ZNF487: variants seen among roughly 807,000 people sequenced by gnomAD.
ZNF487 encodes the protein zinc finger protein 487.
A neutral mutation model predicts 3.0 loss-of-function variants in ZNF487; 4 were observed. The observed-to-expected ratio is 1.35, with a 90% CI of 0.66 to 3.08. ZNF487 has a LOEUF of 3.08. Ranked by LOEUF, ZNF487 falls within the 30% of genes most tolerant of loss-of-function variation. ZNF487 has a pLI of 0.01. For synonymous variants in ZNF487, 55 were observed against 34.6 expected (o/e 1.59, Z -2.06); for missense variants, 146 against 98.7 (o/e 1.48, Z -2.03).
At chr10:43,460,660 C>T (rs995813940) in intron 1 of ZNF487, among the ~76,000 whole-genome samples, 1 of 151,560 alleles carries the variant, frequency 6.6e-6, no homozygotes, top group East Asian at 1.9e-4. Flanking sequence ...CAGGTATGAG[C>T]CACCATGCCT....
chr10:43,473,891 G>A (rs530159463), intron 1 of ZNF487, among the ~76,000 whole-genome samples: 1 of 152,230 alleles, frequency 6.6e-6, no homozygotes, highest in South Asian at 2.1e-4. Flanking sequence ...CCGATGCAGT[G>A]ACTTATTCCT....
At chr10:43,467,692 C>CCAGCTATGCTGGG (rs1840757539) in intron 1 of ZNF487, among the ~76,000 whole-genome samples, 2 of 151,482 alleles carry the variant, frequency 1.3e-5, no homozygotes, top group South Asian at 4.2e-4. Context: ...TGGTGCATAC[C>CCAGCTATGCTGGG]TGTAATCCCA....
chr10:43,460,384 T>C (rs868729110), intron 1 of ZNF487, among the ~76,000 whole-genome samples: 22 of 146,920 alleles, frequency 1.5e-4, no homozygotes, highest in South Asian at 2.2e-4. Context: ...TTCTTTCTTT[T>C]TTTTTTTTTT....
chr10:43,465,199 C>T (rs1181200995), intron 1 of ZNF487, among the ~76,000 whole-genome samples: 1 of 150,480 alleles, frequency 6.6e-6, no homozygotes, highest in African/African-American at 2.4e-5. Context: ...GGCTGACCCC[C>T]CCACCTCCCT....
rs912436933 is a variant in ZNF487 at position 43,456,350 on chromosome 10, G to A, written c.-94+19088G>A. 3.3e-5 allele frequency among the ~76,000 whole-genome samples: 5 copies of A among 152,156 alleles called. No homozygotes were observed. The East Asian group carries it at 5.8e-4, about 18-fold the overall frequency. ...CTTCTCACCAGAGTTTCACAGCAGC[G>A]GAAGACGAGGCTGAGGAAGAGCACG... is the stretch of plus-strand genomic sequence containing the variant. On this transcript the variant is annotated intron_variant, in intron 1 of 3. Transcript: ENST00000437590.
intron 1 of ZNF487, among the ~76,000 whole-genome samples, chr10:43,439,781 T>C (rs1456995613): frequency 6.6e-6 from 1 of 152,202 alleles, no homozygotes; most frequent in Non-Finnish European, 1.5e-5. Flanking sequence ...GATATTATGT[T>C]AAGTGAAGTA....
chr10:43,500,881 G>A, the ZNF487 span, among the ~76,000 whole-genome samples: 2 of 152,102 alleles, frequency 1.3e-5, no homozygotes, highest in African/African-American at 4.8e-5. Flanking sequence ...TATGGAGATA[G>A]GGAACACCTA....
intron 3 of ZNF487, among the ~76,000 whole-genome samples, chr10:43,478,311 T>C (rs1043019711): frequency 6.6e-6 from 1 of 152,070 alleles, no homozygotes; most frequent in Non-Finnish European, 1.5e-5. Flanking sequence ...TCCCAGCACT[T>C]TGGAAGGCCA....
intron 1 of ZNF487, among the ~76,000 whole-genome samples, chr10:43,456,475 C>T (rs1464916874): frequency 2.0e-5 from 3 of 152,194 alleles, no homozygotes; most frequent in Non-Finnish European, 4.4e-5. Context: ...GAGAGGTGAG[C>T]TGGGCCTAAG....
the ZNF487 span, among the ~76,000 whole-genome samples, chr10:43,502,791 G>A: frequency 1.9e-4 from 29 of 152,248 alleles, no homozygotes; most frequent in South Asian, 2.3e-3. Context: ...AGCACTTTGC[G>A]GGGCCAAGCC....
chr10:43,475,019 C>T (rs1046104297), intron 1 of ZNF487, among the ~76,000 whole-genome samples: 4 of 152,134 alleles, frequency 2.6e-5, no homozygotes, highest in Non-Finnish European at 5.9e-5. Context: ...CGCAAACTTC[C>T]CCTGCCTCCA....
At chr10:43,485,782 A>G (rs528532629), downstream of ZNF487, among the ~76,000 whole-genome samples, 287 of 152,348 alleles carry the variant, frequency 1.9e-3, 2 homozygotes, top group Non-Finnish European at 2.1e-3. Flanking sequence ...ATTGGACAGC[A>G]CTGCTCTAGG....
chr10:43,522,702 C>T, the ZNF487 span, among the ~76,000 whole-genome samples: 3 of 151,842 alleles, frequency 2.0e-5, no homozygotes, highest in Non-Finnish European at 2.9e-5. Context: ...CCATTGCAAT[C>T]CAGCCTGGGC....
chr10:43,498,093 A>ATTTTTTT, the ZNF487 span, among the ~76,000 whole-genome samples: 1 of 13,268 alleles, frequency 7.5e-5, no homozygotes, highest in African/African-American at 2.8e-4. Flanking sequence ...ATATATATAT[A>ATTTTTTT]TATATATTTT....
chr10:43,465,220 G>C (rs911176754), intron 1 of ZNF487, among the ~76,000 whole-genome samples: 6 of 150,040 alleles, frequency 4.0e-5, no homozygotes, highest in Non-Finnish European at 9.0e-5. Flanking sequence ...CCTGGACGGG[G>C]CGGCTGGCTG....
the ZNF487 span, among the ~76,000 whole-genome samples, chr10:43,505,492 T>G: frequency 2.0e-5 from 3 of 150,362 alleles, no homozygotes; most frequent in East Asian, 6.0e-4. Flanking sequence ...ACCGTGTTAG[T>G]CAGGCTGGTC....
intron 1 of ZNF487, among the ~76,000 whole-genome samples, chr10:43,450,471 G>A (rs1346851333): frequency 6.6e-6 from 1 of 152,186 alleles, no homozygotes; most frequent in Admixed American, 6.5e-5. Flanking sequence ...TGCTGCCTCA[G>A]CCTCCTGAGT....
At chr10:43,515,080 C>T in the ZNF487 span, among the ~76,000 whole-genome samples, 143 of 152,262 alleles carry the variant, frequency 9.4e-4, no homozygotes, top group African/African-American at 3.2e-3. Context: ...ATGCAGAGTC[C>T]GTACTTAGTG....
chr10:43,497,190 T>A, the ZNF487 span, among the ~76,000 whole-genome samples: 2 of 152,230 alleles, frequency 1.3e-5, no homozygotes, highest in Non-Finnish European at 2.9e-5. Flanking sequence ...TTTATTAATT[T>A]ACATGCCAGT....
Sources: allele counts gnomAD v4.1 joint callset (sites outside exome capture counted in the v4.1 genomes callset), GRCh38; gene constraint gnomAD v4.1.1; transcripts MANE v1.5; gene names NCBI Gene and HGNC (gene_info 2026-07-23, HGNC 2026-07-21).